Variants in NEBL observed in about 807,000 individuals in gnomAD.
NEBL encodes LIM and SH3 protein 2.
A neutral mutation model predicts 140.2 loss-of-function variants in NEBL; 122 were observed. The observed-to-expected ratio is 0.87, with a 90% CI of 0.75 to 1.01. The LOEUF is 1.01. NEBL is among the 50% of genes least tolerant of loss of function. NEBL has a pLI of 0.00. For synonymous variants in NEBL, 436 were observed against 398.9 expected (o/e 1.09, Z -1.11); for missense variants, 1,365 against 1,231.3 (o/e 1.11, Z -1.62).
intron 3 of NEBL, among the ~76,000 whole-genome samples, chr10:21,002,534 G>A (rs181499619): frequency 5.9e-4 from 90 of 152,290 alleles, no homozygotes; most frequent in African/African-American, 2.1e-3. Context: ...CTGCTATAAA[G>A]AACTGAGACG....
chr10:20,824,388 T>C (rs1839641346), intron 18 of NEBL, among the ~76,000 whole-genome samples: 1 of 152,160 alleles, frequency 6.6e-6, no homozygotes, highest in South Asian at 2.1e-4. Context: ...ATCTGTGGAT[T>C]TCATGTAAGT....
chr10:20,859,476 C>A lies in NEBL; in HGVS notation c.798+237G>T, dbSNP rs45586736. Among the ~76,000 whole-genome samples, 2,849 of 151,936 alleles carry A rather than the reference C, an allele frequency of 0.019. 81 individuals carry two copies. Among genetic ancestry groups the A allele is most frequent in the African/African-American group, 0.063 (2,593 of 41,402 alleles). On this transcript the variant is annotated intron_variant, in intron 8 of 27. Coordinates refer to ENST00000377122, the MANE Select transcript of NEBL (RefSeq NM_006393.3). ...TCTATAATCTATTTCCACTCTTGAA[C>A]AGATATAATAACTTCATTTGCAACA...
chr10:21,209,922 C>A (rs1382487382), intron 3 of NEBL, among the ~76,000 whole-genome samples: 1 of 151,998 alleles, frequency 6.6e-6, no homozygotes, highest in Non-Finnish European at 1.5e-5. Flanking sequence ...GATGAGGGAC[C>A]TTAGAATTAA....
intron 3 of NEBL, among the ~76,000 whole-genome samples, chr10:21,211,667 A>G (rs1228487918): frequency 6.6e-6 from 1 of 152,200 alleles, no homozygotes; most frequent in Non-Finnish European, 1.5e-5. Flanking sequence ...AAACCCAGTT[A>G]CGTCAACTTC....
chr10:21,036,458 T>G (rs544771318), intron 2 of NEBL, among the ~76,000 whole-genome samples: 1 of 151,964 alleles, frequency 6.6e-6, no homozygotes, highest in South Asian at 2.1e-4. Flanking sequence ...TGTCTCAAAT[T>G]TAAAACTTTA....
chr10:21,231,747 G>C (rs1231970202), intron 3 of NEBL, among the ~76,000 whole-genome samples: 1 of 152,090 alleles, frequency 6.6e-6, no homozygotes, highest in Non-Finnish European at 1.5e-5. Context: ...CAAGTTCAAA[G>C]AATAGAAAGG....
intron 3 of NEBL, among the ~76,000 whole-genome samples, chr10:21,012,787 C>T (rs529159415): frequency 6.6e-6 from 1 of 152,214 alleles, no homozygotes; most frequent in African/African-American, 2.4e-5. Context: ...CAGCCTAGAG[C>T]CTGCCCACCC....
At chr10:21,175,264 A>G (rs1350590085), upstream of NEBL, among the ~76,000 whole-genome samples, 1 of 152,326 alleles carries the variant, frequency 6.6e-6, no homozygotes, top group East Asian at 1.9e-4. Context: ...CAAAATGGGA[A>G]TAAGGACGCA....
intron 11 of NEBL, among the ~76,000 whole-genome samples, chr10:20,848,373 A>G (rs1842153239): frequency 6.6e-6 from 1 of 152,196 alleles, no homozygotes; most frequent in South Asian, 2.1e-4. Flanking sequence ...TTCACTTGAA[A>G]CAAATAACTA....
chr10:21,209,661 C>CTTTT (rs796931946), intron 3 of NEBL, among the ~76,000 whole-genome samples: 1 of 124,452 alleles, frequency 8.0e-6, no homozygotes, highest in African/African-American at 3.0e-5. Flanking sequence ...TTTTTTTTTT[C>CTTTT]TTTTTTTTTT....
intron 8 of NEBL, among the ~76,000 whole-genome samples, 194 bp downstream of exon 8, chr10:20,859,519 C>G (rs1843439772): frequency 6.6e-6 from 1 of 151,946 alleles, no homozygotes; most frequent in Non-Finnish European, 1.5e-5. Flanking sequence ...TACTTATTAA[C>G]TAATTAGTAA....
chr10:21,118,970 C>G (rs976144329), intron 2 of NEBL, among the ~76,000 whole-genome samples: 2 of 152,142 alleles, frequency 1.3e-5, no homozygotes, highest in Admixed American at 6.6e-5. Flanking sequence ...CTCAATCATT[C>G]TTACAACAAT....
chr10:20,872,079 T>A (rs1481217174), intron 5 of NEBL, among the ~76,000 whole-genome samples: 1 of 152,204 alleles, frequency 6.6e-6, no homozygotes, highest in Non-Finnish European at 1.5e-5. Flanking sequence ...ATGGAAACCC[T>A]TACTTTTTGA....
intron 3 of NEBL, among the ~76,000 whole-genome samples, chr10:20,987,743 T>G (rs1389919804): frequency 1.3e-5 from 2 of 152,182 alleles, no homozygotes. Context: ...AGAACTGCAA[T>G]GAACAAGTAC....
At chr10:21,087,741 C>T (rs1314750082) in intron 2 of NEBL, among the ~76,000 whole-genome samples, 1 of 152,238 alleles carries the variant, frequency 6.6e-6, no homozygotes, top group East Asian at 1.9e-4. Context: ...ATTTCTCCAC[C>T]CTAGTTTGCA....
At chr10:20,939,006 A>G (rs2038120779) in intron 4 of NEBL, among the ~76,000 whole-genome samples, 1 of 152,210 alleles carries the variant, frequency 6.6e-6, no homozygotes, top group Non-Finnish European at 1.5e-5. Flanking sequence ...CAAGTTGGAA[A>G]ACACTCTGCA....
chr10:21,289,143 G>A (rs79156770), intron 1 of NEBL, among the ~76,000 whole-genome samples: 16,398 of 151,686 alleles, frequency 0.11, 972 homozygotes, highest in South Asian at 0.19. Flanking sequence ...CACTGAGCCC[G>A]GCCCTTTTTA....
chr10:20,850,792 A>C (rs1287822475), intron 10 of NEBL, among the ~76,000 whole-genome samples: 1 of 152,218 alleles, frequency 6.6e-6, no homozygotes, highest in Non-Finnish European at 1.5e-5. Flanking sequence ...TATGTATCGT[A>C]TATATGGGGT....
intron 3 of NEBL, among the ~76,000 whole-genome samples, chr10:20,994,883 GA>G (rs112479393): frequency 0.035 from 5,302 of 151,602 alleles, 197 homozygotes; most frequent in African/African-American, 0.093. Flanking sequence ...GGAGGAGGTA[GA>G]GGGGGGGGTT....
Sources: allele counts gnomAD v4.1 joint callset (sites outside exome capture counted in the v4.1 genomes callset), GRCh38; gene constraint gnomAD v4.1.1; transcripts MANE v1.5; gene names NCBI Gene and HGNC (gene_info 2026-07-23, HGNC 2026-07-21).